ADAMTS18: variants seen among roughly 807,000 people sequenced by gnomAD.
ADAMTS18 encodes the protein A disintegrin and metalloproteinase with thrombospondin motifs 18.
Under a neutral mutation model 165.9 loss-of-function variants are expected in ADAMTS18, and 157 were observed. The ratio of observed to expected loss-of-function variants is 0.95; its 90% CI spans 0.83 to 1.08. ADAMTS18 has a LOEUF of 1.08. Among genes scored for constraint, ADAMTS18 ranks in the 50% least tolerant of loss-of-function variants. The pLI, the probability that ADAMTS18 is intolerant of heterozygous loss-of-function variation, is 0.00. For synonymous variants in ADAMTS18, 782 were observed against 578.2 expected (o/e 1.35, Z -5.06); for missense variants, 2,040 against 1,534.0 (o/e 1.33, Z -5.51).
chr16:77,328,134 C>T (rs999976167), intron 12 of ADAMTS18, among the ~76,000 whole-genome samples: 8 of 152,094 alleles, frequency 5.3e-5, no homozygotes, highest in African/African-American at 2.4e-5. Flanking sequence ...TAAAGGCAAG[C>T]TCTTTAAGAT....
At chr16:77,379,911 C>A (rs75388971) in intron 3 of ADAMTS18, among the ~76,000 whole-genome samples, 5,085 of 152,270 alleles carry the variant, frequency 0.033, 99 homozygotes, top group South Asian at 0.057. Flanking sequence ...GCAGCTGCAT[C>A]ACTGGGCAAA....
intron 11 of ADAMTS18, among the ~76,000 whole-genome samples, chr16:77,339,882 G>C (rs545839472): frequency 1.4e-4 from 21 of 151,194 alleles, no homozygotes; most frequent in African/African-American, 5.1e-4. Context: ...TTAAGAGATA[G>C]TGAATAAATG....
At chr16:77,381,403 A>G (rs2057028151) in intron 3 of ADAMTS18, among the ~76,000 whole-genome samples, 1 of 152,196 alleles carries the variant, frequency 6.6e-6, no homozygotes, top group Non-Finnish European at 1.5e-5. Flanking sequence ...GCCTCCCGCC[A>G]AGTACCTGCT....
chr16:77,362,246 G>T lies in ADAMTS18; in HGVS notation c.1075C>A (p.His359Asn). 6.2e-7 allele frequency: 1 copy of T among 1,614,142 alleles called. No homozygotes were observed. Among genetic ancestry groups the T allele is most frequent in the East Asian group, 2.2e-5 (1 of 44,854 alleles). ...EQEPGGLLIN[H>N]HADQSLNSFC... ...CTATTCAGAGACTGGTCTGCATGAT[G>T]GTTGATCAATAATCCTCCCTATGGG... Residue 359 changes from histidine (H) to asparagine (N), a missense_variant, in exon 7 of 23, where the codon CAT (histidine) becomes AAT (asparagine). Physicochemically the swap from His to Asn is moderately conservative, Grantham distance 68. Transcript: ENST00000282849.
At chr16:77,408,203 C>T (rs2057416664) in intron 3 of ADAMTS18, among the ~76,000 whole-genome samples, 1 of 151,964 alleles carries the variant, frequency 6.6e-6, no homozygotes, top group African/African-American at 2.4e-5. Flanking sequence ...CACAAAAATA[C>T]CAAGTACTGG....
intron 3 of ADAMTS18, among the ~76,000 whole-genome samples, chr16:77,390,898 G>A (rs1387451562): frequency 6.6e-6 from 1 of 152,130 alleles, no homozygotes; most frequent in African/African-American, 2.4e-5. Flanking sequence ...GTAGCCACGT[G>A]GTTGGCAGCT....
intron 2 of ADAMTS18, 157 bp from the exon 3 acceptor site, chr16:77,431,768 C>G: frequency 1.3e-6 from 1 of 790,800 alleles, no homozygotes; most frequent in Non-Finnish European, 2.1e-6. Flanking sequence ...GCACAGGCAG[C>G]AGAAGACCTG....
At chr16:77,337,132 T>C (rs1392116454) in intron 11 of ADAMTS18, among the ~76,000 whole-genome samples, 2 of 152,240 alleles carry the variant, frequency 1.3e-5, no homozygotes, top group Non-Finnish European at 2.9e-5. Context: ...TTTTAATTTT[T>C]CTTTTCCCTG....
At position 77,431,415 on chromosome 16, in the gene ADAMTS18, C is replaced by A. The variant is rs763033403; in HGVS notation, c.375G>T (p.Gln125His). ...SAILSSHFIV[Q>H]VLGKDGASET... ...CTGAAGCACCATCTTTTCCAAGTAC[C>A]TGGACAATAAAGTGACTGCTCAAAA... is the stretch of plus-strand genomic sequence containing the variant. The change falls in exon 3 of 23, where the codon CAG becomes CAT. Residue 125 changes from glutamine (Q) to histidine (H), a missense_variant. Transcript: ENST00000282849. The A allele has an allele frequency of 6.8e-6, 11 of 1,614,054 alleles. No homozygotes were observed. Among genetic ancestry groups the A allele is most frequent in the East Asian group, 2.2e-5 (1 of 44,890 alleles).
chr16:77,347,568 A>G (rs1320698168), intron 10 of ADAMTS18, among the ~76,000 whole-genome samples: 33 of 151,802 alleles, frequency 2.2e-4, no homozygotes, highest in Non-Finnish European at 2.9e-5. Flanking sequence ...GATATTGAGT[A>G]CCATTTCATG....
At chr16:77,311,700 G>GGTTTTTTTTTTTTTTTT (rs141522765) in intron 16 of ADAMTS18, among the ~76,000 whole-genome samples, 3 of 94,232 alleles carry the variant, frequency 3.2e-5, no homozygotes, top group Non-Finnish European at 7.3e-5. Flanking sequence ...GATTACTGGA[G>GGTTTTTTTTTTTTTTTT]TTTTCTTTTT....
At chr16:77,412,971 G>T (rs1377856254) in intron 3 of ADAMTS18, among the ~76,000 whole-genome samples, 2 of 152,056 alleles carry the variant, frequency 1.3e-5, no homozygotes, top group African/African-American at 4.8e-5. Flanking sequence ...CTCTGTGATT[G>T]CAAGCATGAG....
At position 77,300,249 on chromosome 16, in the gene ADAMTS18, A is replaced by G; in HGVS notation, c.2674+14T>C. 6.2e-7 allele frequency: 1 copy of G among 1,613,992 alleles called. No individual in the cohort carries two copies. The highest frequency in any genetic ancestry group is 1.1e-5 in the South Asian group (1 of 91,080). ...AGAGACAGACTTTGGAGACAGAATG[A>G]GAAAATCATCTACCTCCACCACAGG... On this transcript the variant is annotated intron_variant, in intron 17 of 22. Coordinates refer to ENST00000282849, the MANE Select transcript of ADAMTS18 (RefSeq NM_199355.4).
At chr16:77,335,391 A>T (rs2056292349) in intron 12 of ADAMTS18, among the ~76,000 whole-genome samples, 1 of 152,010 alleles carries the variant, frequency 6.6e-6, no homozygotes, top group Non-Finnish European at 1.5e-5. Flanking sequence ...ACAAAAATAT[A>T]GTTAGAATGA....
chr16:77,316,296 C>A (rs973307692), intron 16 of ADAMTS18, among the ~76,000 whole-genome samples: 9 of 150,952 alleles, frequency 6.0e-5, no homozygotes, highest in Non-Finnish European at 1.2e-4. Flanking sequence ...CGCTGTGATG[C>A]CAGGCTGGAG....
intron 12 of ADAMTS18, among the ~76,000 whole-genome samples, chr16:77,331,867 A>C (rs189709525): frequency 6.6e-6 from 1 of 152,308 alleles, no homozygotes; most frequent in East Asian, 1.9e-4. Context: ...AGTGTCTCCA[A>C]ACTCTGCTTT....
intron 3 of ADAMTS18, among the ~76,000 whole-genome samples, chr16:77,424,341 GC>G (rs1191262175): frequency 6.6e-6 from 1 of 152,160 alleles, no homozygotes; most frequent in Non-Finnish European, 1.5e-5. Flanking sequence ...GGCAGTGCAT[GC>G]CTGTAATCCT....
At chr16:77,415,807 A>G (rs1374069895) in intron 3 of ADAMTS18, among the ~76,000 whole-genome samples, 2 of 151,252 alleles carry the variant, frequency 1.3e-5, no homozygotes, top group Non-Finnish European at 3.0e-5. Context: ...GTTTTTCCCA[A>G]TGGATGAAAA....
chr16:77,358,876 C>A (rs1193159666), intron 8 of ADAMTS18, among the ~76,000 whole-genome samples: 2 of 152,166 alleles, frequency 1.3e-5, no homozygotes, highest in Non-Finnish European at 2.9e-5. Context: ...TGACACCAAT[C>A]AAAAGAATAT....
Sources: allele counts gnomAD v4.1 joint callset (sites outside exome capture counted in the v4.1 genomes callset), GRCh38; gene constraint gnomAD v4.1.1; transcripts MANE v1.5; gene names NCBI Gene and HGNC (gene_info 2026-07-23, HGNC 2026-07-21).